FLACC1: variants seen among roughly 807,000 people sequenced by gnomAD.
FLACC1 encodes flagellum associated containing coiled-coil domains 1.
A neutral mutation model predicts 62.8 loss-of-function variants in FLACC1; 66 were observed. That is an observed-to-expected ratio of 1.05 (90% CI 0.86 to 1.29). The LOEUF (loss-of-function observed/expected upper bound fraction) is 1.29, where lower values mean the gene tolerates loss of function less well. Ranked by LOEUF, FLACC1 falls within the 50% of genes most tolerant of loss-of-function variation. FLACC1 has a pLI of 0.00. For missense variants in FLACC1, 452 were observed against 489.1 expected (o/e 0.92, Z 0.71); for synonymous variants, 156 against 161.0 (o/e 0.97, Z 0.24).
chr2:201,347,026 C>A (rs1433546264), intron 4 of FLACC1, among the ~76,000 whole-genome samples: 1 of 152,248 alleles, frequency 6.6e-6, no homozygotes, highest in African/African-American at 2.4e-5. Context: ...TAAATCTTGG[C>A]TCTGCCACCA....
intron 7 of FLACC1, among the ~76,000 whole-genome samples, chr2:201,342,016 A>C (rs1950819868): frequency 6.6e-6 from 1 of 152,212 alleles, no homozygotes; most frequent in Non-Finnish European, 1.5e-5. Context: ...GAGAAGAACG[A>C]GGAGATGGTG....
intron 9 of FLACC1, among the ~76,000 whole-genome samples, chr2:201,325,451 TA>T (rs1367787808): frequency 6.6e-6 from 1 of 152,032 alleles, no homozygotes; most frequent in African/African-American, 2.4e-5. Flanking sequence ...AGAGAAGATC[TA>T]AATAAGCTCA....
chr2:201,302,812 A>T (rs901268486), intron 11 of FLACC1, among the ~76,000 whole-genome samples: 5 of 152,182 alleles, frequency 3.3e-5, no homozygotes, highest in African/African-American at 1.2e-4. Context: ...AAACTGAAAA[A>T]CCTGCTCCTG....
intron 12 of FLACC1, among the ~76,000 whole-genome samples, chr2:201,298,211 C>A (rs898980751): frequency 1.3e-5 from 2 of 152,112 alleles, no homozygotes; most frequent in Non-Finnish European, 2.9e-5. Context: ...GAGGGTATTA[C>A]CTCAATAGTG....
chr2:201,332,753 G>A (rs764975929), intron 7 of FLACC1, among the ~76,000 whole-genome samples: 23 of 145,402 alleles, frequency 1.6e-4, no homozygotes, highest in Non-Finnish European at 3.0e-4. Flanking sequence ...CATTTTACTC[G>A]CTGTTTCTAT....
intron 9 of FLACC1, among the ~76,000 whole-genome samples, chr2:201,309,921 A>AG (rs1950183964): frequency 6.8e-6 from 1 of 146,400 alleles, no homozygotes; most frequent in African/African-American, 2.5e-5. Flanking sequence ...AAAAAAAAAA[A>AG]AAAAAAGAAG....
At chr2:201,311,571 A>G (rs7582362) in intron 9 of FLACC1, among the ~76,000 whole-genome samples, 109,113 of 151,566 alleles carry the variant, frequency 0.72, 39,639 homozygotes, top group South Asian at 0.83. Flanking sequence ...AAAATTAGCT[A>G]GGTGTAGTGG....
At chr2:201,321,651 A>G (rs1398240080) in intron 9 of FLACC1, among the ~76,000 whole-genome samples, 2 of 152,182 alleles carry the variant, frequency 1.3e-5, no homozygotes, top group East Asian at 1.9e-4. Flanking sequence ...GACGTTCACA[A>G]TTTTTCTCTA....
intron 8 of FLACC1, 25 bp from the exon 9 acceptor site, chr2:201,330,547 T>A: frequency 6.2e-7 from 1 of 1,608,824 alleles, no homozygotes; most frequent in Middle Eastern, 1.7e-4. Context: ...AACAACAGGA[T>A]CATCATTAGT....
chr2:201,350,303 T>C (rs1950999079), intron 3 of FLACC1, among the ~76,000 whole-genome samples: 1 of 152,132 alleles, frequency 6.6e-6, no homozygotes, highest in Non-Finnish European at 1.5e-5. Context: ...GAGAATCGTT[T>C]GAACCAGGGA....
chr2:201,317,150 G>A (rs1303409019), intron 9 of FLACC1, among the ~76,000 whole-genome samples: 2 of 152,240 alleles, frequency 1.3e-5, no homozygotes, highest in Non-Finnish European at 2.9e-5. Context: ...TGACAAGGAT[G>A]CCCACTCTCA....
rs1252771325 is a variant in FLACC1, at chr2:201,337,273, T to C, written c.524+5097A>G. Among the ~76,000 whole-genome samples, 7 of 152,346 alleles carry C rather than the reference T, an allele frequency of 4.6e-5. No individual in the cohort carries two copies. The East Asian group carries it at 1.2e-3, about 25-fold the overall frequency. The stretch of plus-strand genomic sequence containing the variant: ...TCTAGTATTTTTATAGCTTTGGATC[T>C]TACATTTAAGACTTTAATCCATCTT... On this transcript the variant is annotated intron_variant, in intron 7 of 14. Coordinates refer to ENST00000392257, the MANE Select transcript of FLACC1 (RefSeq NM_001127391.3).
chr2:201,354,284 G>A (rs1165784306), intron 1 of FLACC1, among the ~76,000 whole-genome samples: 1 of 152,182 alleles, frequency 6.6e-6, no homozygotes, highest in Non-Finnish European at 1.5e-5. Flanking sequence ...TTGCCCTCAG[G>A]GAGCTTGCAG....
At chr2:201,295,557 C>T (rs1223373831) in intron 12 of FLACC1, among the ~76,000 whole-genome samples, 1 of 151,994 alleles carries the variant, frequency 6.6e-6, no homozygotes, top group African/African-American at 2.4e-5. Flanking sequence ...CCATAAAAAC[C>T]CTAGAAGAAA....
chr2:201,335,141 T>G (rs1023558029), intron 7 of FLACC1, among the ~76,000 whole-genome samples: 1 of 152,156 alleles, frequency 6.6e-6, no homozygotes, highest in African/African-American at 2.4e-5. Flanking sequence ...ATGTCTCCTC[T>G]TTCATTTCTG....
At position 201,330,469 on chromosome 2, in the gene FLACC1, C is replaced by T. The variant is rs1216930205; in HGVS notation, c.675+1G>A. The T allele has an allele frequency of 1.9e-6, 3 of 1,613,280 alleles. No homozygotes were observed. The highest frequency in any genetic ancestry group is 2.5e-6 in the Non-Finnish European group (3 of 1,179,628). Reference sequence around the variant, plus strand: ...ATCCAACAGGGAGCTGTGTATCTCACCTGATACGTACGAAACATATTCTTC... The same window carrying T: ...ATCCAACAGGGAGCTGTGTATCTCATCTGATACGTACGAAACATATTCTTC... On this transcript the variant is annotated splice_donor_variant, in intron 9 of 14. Transcript: ENST00000392257. LOFTEE classifies it high-confidence loss of function.
chr2:201,339,347 T>C (rs1950759361), intron 7 of FLACC1, among the ~76,000 whole-genome samples: 1 of 152,124 alleles, frequency 6.6e-6, no homozygotes, highest in Non-Finnish European at 1.5e-5. Context: ...CAATTTGGTT[T>C]ATTTTTTTGA....
At chr2:201,327,516 TTTC>T (rs1950518318) in intron 9 of FLACC1, among the ~76,000 whole-genome samples, 1 of 151,980 alleles carries the variant, frequency 6.6e-6, no homozygotes, top group South Asian at 2.1e-4. Flanking sequence ...TGAATAGATA[TTTC>T]TCAAAAGAAG....
At chr2:201,317,208 A>C (rs1023959030) in intron 9 of FLACC1, among the ~76,000 whole-genome samples, 1 of 152,144 alleles carries the variant, frequency 6.6e-6, no homozygotes, top group African/African-American at 2.4e-5. Context: ...GAGCAATCAG[A>C]CAAGAGAGAG....
Sources: allele counts gnomAD v4.1 joint callset (sites outside exome capture counted in the v4.1 genomes callset), GRCh38; gene constraint gnomAD v4.1.1; transcripts MANE v1.5; gene names NCBI Gene and HGNC (gene_info 2026-07-23, HGNC 2026-07-21).